RPS6KA2: variants seen among roughly 807,000 people sequenced by gnomAD.
RPS6KA2 encodes ribosomal protein S6 kinase alpha-2.
Under a neutral mutation model 91.8 loss-of-function variants are expected in RPS6KA2, and 42 were observed. The observed-to-expected ratio is 0.46, with a 90% CI of 0.36 to 0.59. RPS6KA2 has a LOEUF of 0.59. Among genes scored for constraint, RPS6KA2 ranks in the 20% least tolerant of loss-of-function variants. The probability of loss-of-function intolerance (pLI) is 0.00; values close to 1 mark genes in which losing one functional copy is unlikely to be tolerated. For missense variants in RPS6KA2, 798 were observed against 978.5 expected, an observed-to-expected ratio of 0.82 and a Z score of 2.46; for synonymous variants, 414 against 393.6, an observed-to-expected ratio of 1.05 and a Z score of -0.61.
intron 2 of RPS6KA2, among the ~76,000 whole-genome samples, chr6:166,817,709 CTTTTTTCT>C (rs1265793000): frequency 1.1e-5 from 1 of 92,086 alleles, no homozygotes; most frequent in South Asian, 4.3e-4. Flanking sequence ...GCCAAACCAT[CTTTTTTCT>C]TTTTTTCTTT....
At chr6:166,502,143 C>A (rs112094450) in intron 6 of RPS6KA2, among the ~76,000 whole-genome samples, 2,671 of 152,080 alleles carry the variant, frequency 0.018, 83 homozygotes, top group African/African-American at 0.062. Flanking sequence ...GGGATGGGGG[C>A]CCAGCAATGG....
In RPS6KA2 at chr6:166,488,837, C is replaced by A. The variant is rs751328275; in HGVS notation, c.903G>T (p.Arg301=). The A allele has an allele frequency of 3.2e-5, 51 of 1,611,928 alleles. No individual in the cohort carries two copies. Among genetic ancestry groups the A allele is most frequent in the Admixed American group, 8.3e-5 (5 of 59,956 alleles). ...GGGTGTCCCGGGGAATCTTACCCAG[C>A]CGGTTGCAGGGGTTCCGTTTGAAGA... ...RALFKRNPCN[R]LGAGIDGVEE... is the part of the protein sequence containing the mutation. The change falls in exon 10 of 21, where the codon CGG becomes CGT. Residue 301 remains arginine, a synonymous_variant. Coordinates refer to ENST00000265678, the MANE Select transcript of RPS6KA2 (RefSeq NM_021135.6).
chr6:166,541,690 C>T (rs1457857623), intron 1 of RPS6KA2, among the ~76,000 whole-genome samples: 3 of 152,178 alleles, frequency 2.0e-5, no homozygotes, highest in Non-Finnish European at 4.4e-5. Context: ...CATGCCACAC[C>T]CCCACCTCCG....
chr6:166,699,863 T>G (rs1303775775), intron 2 of RPS6KA2, among the ~76,000 whole-genome samples: 1 of 152,250 alleles, frequency 6.6e-6, no homozygotes, highest in Non-Finnish European at 1.5e-5. Flanking sequence ...TTTTTTGTTT[T>G]TAATTTATCA....
At chr6:166,688,092 G>A (rs1435680339) in intron 2 of RPS6KA2, among the ~76,000 whole-genome samples, 1 of 152,082 alleles carries the variant, frequency 6.6e-6, no homozygotes, top group Non-Finnish European at 1.5e-5. Context: ...AGACAGGGCC[G>A]CAGACCTCAG....
chr6:166,839,684 A>AGGGGAGGGGAGGGGACGGGAGGGGAGGG lies in RPS6KA2; in HGVS notation c.123+18515_123+18516insCCCTCCCCTCCCGTCCCCTCCCCTCCCC, dbSNP rs1360878613. 3.4e-4 allele frequency among the ~76,000 whole-genome samples: 8 copies of AGGGGAGGGGAGGGGACGGGAGGGGAGGG among 23,862 alleles called. 1 individual carries two copies. Among genetic ancestry groups the AGGGGAGGGGAGGGGACGGGAGGGGAGGG allele is most frequent in the Admixed American group, 5.0e-4 (1 of 1,982 alleles). The allele number at this position is 23,862 out of a possible 152,430, so 15.7% of individuals were successfully genotyped here. ...AGAGGGAGGTGGAAATCAGAGCAGG[A>AGGGGAGGGGAGGGGACGGGAGGGGAGGG]GAGGAGAGGGGAGGAGAGGAGAGGA... On this transcript the variant is annotated intron_variant, in intron 2 of 21. Coordinates refer to the RPS6KA2 transcript ENST00000503859.
intron 3 of RPS6KA2, among the ~76,000 whole-genome samples, chr6:166,530,852 T>C (rs1293431565): frequency 1.3e-5 from 2 of 152,206 alleles, no homozygotes; most frequent in East Asian, 1.9e-4. Context: ...AACCCAACCA[T>C]GAGTCACGTT....
At chr6:166,519,037 C>T (rs376885518) in intron 3 of RPS6KA2, among the ~76,000 whole-genome samples, 29 of 152,324 alleles carry the variant, frequency 1.9e-4, no homozygotes, top group African/African-American at 7.0e-4. Context: ...AACTGACAGC[C>T]ATGGAGTGAT....
chr6:166,576,987 C>T (rs1784854438), intron 1 of RPS6KA2, among the ~76,000 whole-genome samples: 1 of 152,202 alleles, frequency 6.6e-6, no homozygotes, highest in African/African-American at 2.4e-5. Context: ...ATCTCAGCCA[C>T]TCCAGCTGTG....
At chr6:166,577,140 A>T (rs1784858609) in intron 1 of RPS6KA2, among the ~76,000 whole-genome samples, 1 of 152,234 alleles carries the variant, frequency 6.6e-6, no homozygotes. Flanking sequence ...ATTGCAGAAG[A>T]TGTATGGAAA....
chr6:166,858,227 C>T (rs749537900), exon 2 of RPS6KA2: 10 of 1,547,338 alleles, frequency 6.5e-6, no homozygotes, highest in Non-Finnish European at 8.0e-6. Context: ...CTGTGGTGGG[C>T]TCCACATCCA....
At chr6:166,580,658 A>AC (rs1784976104) in intron 1 of RPS6KA2, among the ~76,000 whole-genome samples, 1 of 147,462 alleles carries the variant, frequency 6.8e-6, no homozygotes, top group East Asian at 2.3e-4. Context: ...TTTTCAGTCT[A>AC]CCCCACCCCC....
chr6:166,626,742 G>A lies in RPS6KA2; in HGVS notation c.99+179C>T, dbSNP rs567265110. ...GACCCACGGACCGCCCAATTACTAC[G>A]GAGTCCCAGCGATAACGTTTGGAGC... On this transcript the variant is annotated intron_variant, in intron 1 of 20. Coordinates refer to ENST00000265678, the MANE Select transcript of RPS6KA2 (RefSeq NM_021135.6). This position sits in a 1 kb window ranked among gnomAD's most constrained non-coding sequence, Gnocchi z 4.1. Among the ~76,000 whole-genome samples the A allele has an allele frequency of 2.0e-5, 3 of 152,298 alleles. No homozygotes were observed. Among genetic ancestry groups the A allele is most frequent in the East Asian group, 1.9e-4 (1 of 5,178 alleles).
At chr6:166,850,002 G>C (rs1172367457) in intron 2 of RPS6KA2, among the ~76,000 whole-genome samples, 1 of 152,126 alleles carries the variant, frequency 6.6e-6, no homozygotes, top group Non-Finnish European at 1.5e-5. Flanking sequence ...TATGCCCACG[G>C]GGCCTCCGCC....
At chr6:166,449,801 CGGG>C (rs1562500652) in intron 13 of RPS6KA2, among the ~76,000 whole-genome samples, 1 of 97,902 alleles carries the variant, frequency 1.0e-5, no homozygotes, top group African/African-American at 3.6e-5. Flanking sequence ...GGAGCCACCA[CGGG>C]GACCACCATG....
At position 166,411,248 on chromosome 6, in the gene RPS6KA2, C is replaced by T. The variant is rs1436948537; in HGVS notation, c.*1514G>A. The T allele has an allele frequency of 6.6e-6, 1 of 151,214 alleles. No individual in the cohort carries two copies. Among genetic ancestry groups the T allele is most frequent in the African/African-American group, 2.4e-5 (1 of 41,084 alleles). 9.4% of individuals were successfully genotyped at this position (151,214 alleles called of 1,614,324 possible). On this transcript the variant is annotated 3_prime_UTR_variant, in exon 21 of 21. Transcript: ENST00000265678. The surrounding 1 kb of genome is among the most constrained non-coding windows in gnomAD (Gnocchi z 4.5). ...TTTTTTTTTAGTTGGGTACGAGAAT[C>T]GAGATGGAGGGGGAACAAAACCCAA...
rs1785813896 is a variant in RPS6KA2, at chr6:166,603,220, G to A, written c.99+23701C>T. ...TCCCTCTGCTACTTCCCTGTCTGCG[G>A]TCTCTGCGTGACACAAGTTATGGTT... On this transcript the variant is annotated intron_variant, in intron 1 of 20. Transcript: ENST00000265678. This position sits in a 1 kb window ranked among gnomAD's most constrained non-coding sequence, Gnocchi z 4.3. Among the ~76,000 whole-genome samples, 1 of 152,216 alleles carries A rather than the reference G, an allele frequency of 6.6e-6. No individual in the cohort carries two copies. The highest frequency in any genetic ancestry group is 1.5e-5 in the Non-Finnish European group (1 of 68,042).
chr6:166,799,925 G>C (rs1013366209), intron 2 of RPS6KA2, among the ~76,000 whole-genome samples: 4 of 152,134 alleles, frequency 2.6e-5, no homozygotes, highest in Admixed American at 2.6e-4. Flanking sequence ...CTTCTGCCAA[G>C]TCCCCAGTAA....
chr6:166,735,942 G>A (rs1032257826), intron 2 of RPS6KA2, among the ~76,000 whole-genome samples: 5 of 152,220 alleles, frequency 3.3e-5, no homozygotes, highest in Non-Finnish European at 7.3e-5. Context: ...TGATTTATAG[G>A]TACAAATATG....
Sources: allele counts gnomAD v4.1 joint callset (sites outside exome capture counted in the v4.1 genomes callset), GRCh38; gene constraint gnomAD v4.1.1; non-coding constraint Gnocchi (gnomAD v3.1); transcripts MANE v1.5; gene names NCBI Gene and HGNC (gene_info 2026-07-23, HGNC 2026-07-21).